The following DOCK3 variants were observed in gnomAD, a reference collection of about 807,000 sequenced individuals.
DOCK3 encodes the protein dedicator of cytokinesis protein 3.
In DOCK3, 60 loss-of-function variants were observed where a neutral mutation model predicts 265.6. The observed-to-expected ratio is 0.23, with a 90% CI of 0.18 to 0.28. The LOEUF (loss-of-function observed/expected upper bound fraction) is 0.28, where lower values mean the gene tolerates loss of function less well. Among genes scored for constraint, DOCK3 ranks in the 10% least tolerant of loss-of-function variants. The probability of loss-of-function intolerance (pLI) is 1.00; values close to 1 mark genes in which losing one functional copy is unlikely to be tolerated. For synonymous variants in DOCK3, 881 were observed against 938.0 expected (o/e 0.94, Z 1.11); for missense variants, 1,981 against 2,594.3 (o/e 0.76, Z 5.14).
At chr3:50,940,789 T>C (rs530579865) in intron 5 of DOCK3, among the ~76,000 whole-genome samples, 2 of 152,226 alleles carry the variant, frequency 1.3e-5, no homozygotes, top group Admixed American at 1.3e-4. Flanking sequence ...TATGCACAAC[T>C]GATTTTTGAC....
chr3:51,013,690 A>G (rs776725041), intron 5 of DOCK3, among the ~76,000 whole-genome samples: 1 of 152,180 alleles, frequency 6.6e-6, no homozygotes, highest in Non-Finnish European at 1.5e-5. Context: ...TGGGAGAACC[A>G]CTGCTCTCTT....
At chr3:51,065,748 G>T (rs1044805638) in intron 6 of DOCK3, among the ~76,000 whole-genome samples, 2 of 152,090 alleles carry the variant, frequency 1.3e-5, no homozygotes, top group Non-Finnish European at 2.9e-5. Flanking sequence ...GATTGCTCCC[G>T]CTTACCAGAA....
chr3:51,228,830 A>G lies in DOCK3; in HGVS notation c.1817A>G (p.Asn606Ser), dbSNP rs1319011164. ...CTCTCCTCTACCAAACTCACCCAGA[A>G]TGGTAGGTGATAATGCCTGCAGGGT... ...TQLSSTKLTQ[N>S]VDLLALLKWK... The change falls in exon 18 of 53, where the codon AAT (asparagine) becomes AGT (serine). Residue 606 changes from asparagine (N) to serine (S), a missense_variant and splice_region_variant. Coordinates refer to ENST00000266037, the MANE Select transcript of DOCK3 (RefSeq NM_004947.5). The G allele has an allele frequency of 6.2e-7, 1 of 1,613,670 alleles. No individual in the cohort carries two copies. Among genetic ancestry groups the G allele is most frequent in the Non-Finnish European group, 8.5e-7 (1 of 1,179,716 alleles).
At chr3:51,058,811 T>A (rs1213286664) in intron 5 of DOCK3, among the ~76,000 whole-genome samples, 2 of 142,856 alleles carry the variant, frequency 1.4e-5, no homozygotes, top group Non-Finnish European at 2.9e-5. Flanking sequence ...CCTTTGGGCC[T>A]ATTTTTTTTA....
At chr3:51,368,509 G>T (rs937209958) in intron 49 of DOCK3, among the ~76,000 whole-genome samples, 1 of 152,306 alleles carries the variant, frequency 6.6e-6, no homozygotes, top group South Asian at 2.1e-4. Flanking sequence ...GCTGTGGGAG[G>T]GGCATCCGCC....
chr3:51,341,814 G>A (rs1272983903), intron 38 of DOCK3, among the ~76,000 whole-genome samples: 1 of 152,212 alleles, frequency 6.6e-6, no homozygotes, highest in Non-Finnish European at 1.5e-5. Context: ...CCTCTTACTG[G>A]TATGTGTTCT....
At chr3:51,330,333 A>T in intron 33 of DOCK3, 110 bp downstream of exon 33, 1 of 1,035,878 alleles carries the variant, frequency 9.7e-7, no homozygotes, top group South Asian at 1.5e-5. Context: ...GGTCATCAAG[A>T]GGGACCTGGG....
intron 3 of DOCK3, among the ~76,000 whole-genome samples, chr3:50,866,477 CT>C (rs35832182): frequency 0.82 from 116,183 of 141,464 alleles, 47,703 homozygotes; most frequent in East Asian, 0.93. Flanking sequence ...AAGCGAGACT[CT>C]TTTTTTTTTT....
At chr3:50,761,758 G>GTATA (rs1293697109) in intron 1 of DOCK3, among the ~76,000 whole-genome samples, 1 of 152,116 alleles carries the variant, frequency 6.6e-6, no homozygotes, top group African/African-American at 2.4e-5. Context: ...CCATTACTGG[G>GTATA]TATATACCCA....
intron 30 of DOCK3, 39 bp downstream of exon 30, chr3:51,312,615 G>C (rs950517222): frequency 6.6e-7 from 1 of 1,511,908 alleles, no homozygotes; most frequent in Non-Finnish European, 8.9e-7. Flanking sequence ...TTACCACTTG[G>C]CCAAATAGGG....
intron 12 of DOCK3, among the ~76,000 whole-genome samples, chr3:51,178,723 T>G (rs1003395607): frequency 1.3e-5 from 2 of 152,192 alleles, no homozygotes; most frequent in Non-Finnish European, 2.9e-5. Flanking sequence ...TTAACGTATG[T>G]GATAATGTTG....
chr3:51,362,472 C>A, intron 48 of DOCK3, 55 bp from the exon 49 acceptor site: 1 of 1,609,582 alleles, frequency 6.2e-7, no homozygotes, highest in Non-Finnish European at 8.5e-7. Flanking sequence ...TCTGTGCCAG[C>A]CCTAAAGTCC....
At position 51,006,789 on chromosome 3, in the gene DOCK3, A is replaced by G. The variant is rs542563750; in HGVS notation, c.316-57659A>G. Among the ~76,000 whole-genome samples, 421 of 152,162 alleles carry G rather than the reference A, an allele frequency of 2.8e-3. 6 individuals carry two copies. Among genetic ancestry groups the G allele is most frequent in the African/African-American group, 9.3e-3 (384 of 41,510 alleles). ...CCCTCCCTGCTCCCCCTACCCCACA[A>G]CAGGCCCGGGTGTATGTTGTTCCCC... is the stretch of plus-strand genomic sequence containing the variant. On this transcript the variant is annotated intron_variant, in intron 5 of 52. Transcript: ENST00000266037.
chr3:51,087,914 AG>A (rs1436157041), intron 7 of DOCK3, among the ~76,000 whole-genome samples: 2 of 152,160 alleles, frequency 1.3e-5, no homozygotes, highest in African/African-American at 2.4e-5. Context: ...TCAAAAAGAA[AG>A]AAAAATCAGT....
At chr3:50,738,435 T>G (rs1456851515) in intron 1 of DOCK3, among the ~76,000 whole-genome samples, 4 of 152,202 alleles carry the variant, frequency 2.6e-5, no homozygotes, top group Non-Finnish European at 4.4e-5. Flanking sequence ...GAACCAGGGT[T>G]GGCCTGGCAA....
chr3:51,055,958 T>TA (rs2081187112), intron 5 of DOCK3, among the ~76,000 whole-genome samples: 1 of 152,230 alleles, frequency 6.6e-6, no homozygotes, highest in African/African-American at 2.4e-5. Context: ...CTGAGGATGA[T>TA]ATCATGGCCC....
At chr3:51,279,109 G>A (rs533313214) in intron 26 of DOCK3, among the ~76,000 whole-genome samples, 18 of 152,104 alleles carry the variant, frequency 1.2e-4, no homozygotes, top group African/African-American at 1.7e-4. Context: ...AAAATTAGCC[G>A]GGCATGGTGG....
chr3:51,337,905 G>A (rs1260652323), intron 35 of DOCK3, among the ~76,000 whole-genome samples: 3 of 152,212 alleles, frequency 2.0e-5, no homozygotes, highest in Admixed American at 6.5e-5. Flanking sequence ...TGTCAACTAG[G>A]TGGTGAACAT....
chr3:51,356,890 C>A, intron 43 of DOCK3, 72 bp from the exon 44 acceptor site: 1 of 1,490,036 alleles, frequency 6.7e-7, no homozygotes, highest in Non-Finnish European at 9.0e-7. Flanking sequence ...AGATCTTAGA[C>A]CCCAGCTCTC....
Sources: gnomAD v4.1 joint callset for allele counts (sites outside exome capture counted in the v4.1 genomes callset) on GRCh38, gnomAD v4.1.1 for gene constraint, MANE v1.5 for transcripts, NCBI Gene and HGNC (gene_info 2026-07-23, HGNC 2026-07-21) for gene names.